The following POC1B variants were observed in gnomAD, a reference collection of about 807,000 sequenced individuals.
POC1B encodes POC1 centriolar protein B, also known as POC1 centriolar protein homolog B.
In POC1B, 44 loss-of-function variants were observed where a neutral mutation model predicts 60.6. That is an observed-to-expected ratio of 0.73 (90% CI 0.57 to 0.93). The LOEUF is 0.93. Ranked by LOEUF, POC1B falls within the 40% of genes least tolerant of loss-of-function variation. The pLI is 0.00. For missense variants in POC1B, 555 were observed against 572.3 expected, an observed-to-expected ratio of 0.97 and a Z score of 0.31; for synonymous variants, 180 against 198.9, an observed-to-expected ratio of 0.90 and a Z score of 0.80.
At chr12:89,508,763 T>A (rs1870029449) in intron 2 of POC1B, among the ~76,000 whole-genome samples, 1 of 152,186 alleles carries the variant, frequency 6.6e-6, no homozygotes, top group South Asian at 2.1e-4. Flanking sequence ...AGTGAGTGAT[T>A]TCTCACAAGA....
downstream of POC1B, among the ~76,000 whole-genome samples, chr12:89,415,291 A>G (rs772978510): frequency 1.3e-5 from 2 of 152,250 alleles, no homozygotes; most frequent in Admixed American, 6.5e-5. Flanking sequence ...TGATTTCAGT[A>G]GTTACAGTTG....
Position 89,526,028 on chromosome 12 carries a change from A to G in POC1B, c.-133T>C, listed in dbSNP as rs1871470602. 1.3e-6 allele frequency: 2 copies of G among 1,536,076 alleles called. No homozygotes were observed. Among genetic ancestry groups the G allele is most frequent in the South Asian group, 2.4e-5 (2 of 83,868 alleles). On this transcript the variant is annotated 5_prime_UTR_variant, in exon 1 of 12. Coordinates refer to ENST00000313546, the MANE Select transcript of POC1B (RefSeq NM_172240.3). The stretch of plus-strand genomic sequence containing the variant: ...AGAGCGGCAGCGCCTCCCGGTCACT[A>G]CAACAACGGCGGCCCAGTCAAACCC...
At chr12:89,496,104 T>C (rs1211674054) in intron 3 of POC1B, among the ~76,000 whole-genome samples, 2 of 152,110 alleles carry the variant, frequency 1.3e-5, no homozygotes, top group Admixed American at 6.6e-5. Context: ...GTAGAATCAA[T>C]GGAAGCCCTG....
At chr12:89,412,386 T>C in the POC1B span, among the ~76,000 whole-genome samples, 5 of 150,444 alleles carry the variant, frequency 3.3e-5, no homozygotes, top group Non-Finnish European at 5.9e-5. Context: ...TTTTCAAAAG[T>C]TTTTAATGTA....
intron 2 of POC1B, chr12:89,500,753 GATAGAA>G (rs1869519759): frequency 6.5e-6 from 7 of 1,083,962 alleles, no homozygotes; most frequent in Admixed American, 2.4e-5. Flanking sequence ...AATAGAAATA[GATAGAA>G]ATAGATAATA....
chr12:89,525,706 G>C (rs966559839), intron 1 of POC1B, 175 bp downstream of exon 1: 1 of 1,256,970 alleles, frequency 8.0e-7, no homozygotes, highest in Non-Finnish European at 1.0e-6. Context: ...TCCGCACTCC[G>C]TCCGCCCCGA....
intron 4 of POC1B, among the ~76,000 whole-genome samples, chr12:89,481,224 T>C (rs1199865798): frequency 6.6e-6 from 1 of 152,240 alleles, no homozygotes; most frequent in Non-Finnish European, 1.5e-5. Context: ...ATCACATCCA[T>C]GTGAATTTTA....
intron 10 of POC1B, among the ~76,000 whole-genome samples, chr12:89,430,714 T>C (rs1447920058): frequency 6.6e-6 from 1 of 152,118 alleles, no homozygotes; most frequent in Non-Finnish European, 1.5e-5. Flanking sequence ...TATATTTGTG[T>C]TTACATATCC....
intron 10 of POC1B, chr12:89,429,307 T>C (rs974636112): frequency 1.3e-5 from 2 of 152,220 alleles, no homozygotes; most frequent in African/African-American, 2.4e-5. Flanking sequence ...CTCAAAGGTA[T>C]TGAAACCTAG....
Position 89,466,838 on chromosome 12 carries a change from G to A in POC1B, c.964C>T (p.Pro322Ser). 1.2e-6 allele frequency: 2 copies of A among 1,613,046 alleles called. No individual in the cohort carries two copies. The highest frequency in any genetic ancestry group is 1.7e-6 in the Non-Finnish European group (2 of 1,179,238). Residue 322 changes from proline to serine, a missense_variant, in exon 9 of 12, where the codon CCA becomes TCA. By Grantham distance (74) the Pro-to-Ser change is moderately conservative. Transcript: ENST00000313546. The part of the protein sequence containing the change: ...RNLKRLHFDS[P>S]PHLLDIYPRT... Reference sequence around the variant, plus strand: ...GGGTAGATATCAAGAAGATGTGGTGGTGAATCAAAATGTAATCTTTTGAGA... The same window carrying A: ...GGGTAGATATCAAGAAGATGTGGTGATGAATCAAAATGTAATCTTTTGAGA...
intron 2 of POC1B, chr12:89,500,345 T>G: frequency 6.6e-7 from 1 of 1,508,054 alleles, no homozygotes; most frequent in Non-Finnish European, 9.2e-7. Context: ...ACATCCAAAG[T>G]CAGTTCCACT....
In POC1B at chr12:89,516,601, C is replaced by T. The variant is rs75765395; in HGVS notation, c.100+8519G>A. Among the ~76,000 whole-genome samples the T allele has an allele frequency of 4.9e-4, 75 of 152,298 alleles. 1 individual carries two copies. In the East Asian group the frequency reaches 0.013, roughly 27 times the overall value. Reference sequence around the variant, plus strand: ...AATCCCTCCAACAATTTCCACCACTCTCAGAACAAAATCCTAAAACATGTC... The same window carrying T: ...AATCCCTCCAACAATTTCCACCACTTTCAGAACAAAATCCTAAAACATGTC... On this transcript the variant is annotated intron_variant, in intron 2 of 11. Transcript: ENST00000313546.
At chr12:89,507,705 G>C (rs1869972617) in intron 2 of POC1B, among the ~76,000 whole-genome samples, 1 of 152,124 alleles carries the variant, frequency 6.6e-6, no homozygotes, top group African/African-American at 2.4e-5. Flanking sequence ...TGTCTCTGGA[G>C]GTGACAACAA....
intron 10 of POC1B, among the ~76,000 whole-genome samples, chr12:89,457,125 C>A (rs1180446827): frequency 6.6e-6 from 1 of 152,108 alleles, no homozygotes; most frequent in East Asian, 1.9e-4. Context: ...CAGTATTTCT[C>A]CAGGTTTTTA....
chr12:89,481,711 A>T (rs1312970219), intron 4 of POC1B, among the ~76,000 whole-genome samples: 1 of 152,218 alleles, frequency 6.6e-6, no homozygotes, highest in Non-Finnish European at 1.5e-5. Context: ...TGCCCGTGCA[A>T]AGGCAACAAG....
At chr12:89,487,948 T>C (rs1424203563) in intron 4 of POC1B, among the ~76,000 whole-genome samples, 1 of 148,732 alleles carries the variant, frequency 6.7e-6, no homozygotes, top group African/African-American at 2.5e-5. Flanking sequence ...TTTAGTATCA[T>C]GTTTCCCCAC....
chr12:89,407,918 T>C, the POC1B span, among the ~76,000 whole-genome samples: 1 of 152,194 alleles, frequency 6.6e-6, no homozygotes, highest in African/African-American at 2.4e-5. Flanking sequence ...CAACCCATCA[T>C]CTACATTAGG....
chr12:89,525,032 T>C, intron 2 of POC1B, 88 bp downstream of exon 2: 1 of 1,571,372 alleles, frequency 6.4e-7, no homozygotes, highest in Admixed American at 1.8e-5. Context: ...TTAGCCGTTC[T>C]CCTAGGGACC....
chr12:89,434,144 T>G (rs1375780120), intron 10 of POC1B, among the ~76,000 whole-genome samples: 1 of 152,228 alleles, frequency 6.6e-6, no homozygotes, highest in Non-Finnish European at 1.5e-5. Context: ...CAAACTAAAT[T>G]TGCTGAATTA....
Sources: allele counts gnomAD v4.1 joint callset (sites outside exome capture counted in the v4.1 genomes callset), GRCh38; gene constraint gnomAD v4.1.1; transcripts MANE v1.5; gene names NCBI Gene and HGNC (gene_info 2026-07-23, HGNC 2026-07-21).